THSD4: variants seen among roughly 807,000 people sequenced by gnomAD.
THSD4 encodes the protein thrombospondin type-1 domain-containing protein 4.
A neutral mutation model predicts 119.0 loss-of-function variants in THSD4; 69 were observed. The observed-to-expected ratio is 0.58, with a 90% CI of 0.48 to 0.71. THSD4 has a LOEUF of 0.71. Ranked by LOEUF, THSD4 falls within the 30% of genes least tolerant of loss-of-function variation. The pLI is 0.00. For missense variants in THSD4, 1,393 were observed against 1,391.1 expected (o/e 1.00, Z -0.02); for synonymous variants, 524 against 540.4 (o/e 0.97, Z 0.42).
intron 7 of THSD4, among the ~76,000 whole-genome samples, chr15:71,493,791 A>G (rs1041795750): frequency 6.6e-6 from 1 of 152,240 alleles, no homozygotes; most frequent in South Asian, 2.1e-4. Context: ...CGGTCTGTCA[A>G]ATCAGCCACG....
chr15:71,112,242 TG>T, upstream of THSD4: 2 of 1,607,238 alleles, frequency 1.2e-6, no homozygotes, highest in Non-Finnish European at 1.7e-6. Flanking sequence ...ATCAGTGAGG[TG>T]GGGTGGTGAC....
At chr15:71,232,690 A>G (rs1297671050) in intron 4 of THSD4, among the ~76,000 whole-genome samples, 1 of 152,172 alleles carries the variant, frequency 6.6e-6, no homozygotes, top group Non-Finnish European at 1.5e-5. Flanking sequence ...AGGGGAAGGG[A>G]GACGAAGACC....
At chr15:71,442,472 G>A (rs2047111050) in intron 7 of THSD4, among the ~76,000 whole-genome samples, 1 of 148,132 alleles carries the variant, frequency 6.8e-6, no homozygotes, top group African/African-American at 2.5e-5. Context: ...GGGAGGCTGA[G>A]GCAGAAGAAT....
At chr15:71,374,802 A>C (rs1357716290) in intron 6 of THSD4, among the ~76,000 whole-genome samples, 2 of 152,224 alleles carry the variant, frequency 1.3e-5, no homozygotes, top group Non-Finnish European at 2.9e-5. Context: ...CAAGGCTATT[A>C]CTCAAGCAAG....
chr15:71,459,346 GTC>G (rs57397281), intron 7 of THSD4, among the ~76,000 whole-genome samples: 89 of 120,608 alleles, frequency 7.4e-4, no homozygotes, highest in Non-Finnish European at 5.6e-4. Context: ...CTGTCTCTCT[GTC>G]TCTCTCTCTC....
chr15:71,289,809 G>A (rs957404348), intron 6 of THSD4, among the ~76,000 whole-genome samples: 2 of 152,094 alleles, frequency 1.3e-5, no homozygotes, highest in African/African-American at 4.8e-5. Context: ...AACAAGGGAA[G>A]AATAGGAAAA....
intron 16 of THSD4, 32 bp downstream of exon 16, chr15:71,765,231 T>C (rs772931971): frequency 6.9e-6 from 11 of 1,600,052 alleles, no homozygotes; most frequent in African/African-American, 2.7e-5. Context: ...GGAGGTTGCA[T>C]TGGCACAACG....
intron 15 of THSD4, among the ~76,000 whole-genome samples, chr15:71,759,080 A>G (rs2053589833): frequency 6.6e-6 from 1 of 152,250 alleles, no homozygotes; most frequent in African/African-American, 2.4e-5. Context: ...TAAGGTGACA[A>G]TGACAGCGAT....
At chr15:71,114,944 T>C (rs1244214494), upstream of THSD4, 5 of 152,258 alleles carry the variant, frequency 3.3e-5, no homozygotes, top group East Asian at 9.7e-4. Flanking sequence ...AGTGTGTGTG[T>C]GACCAGGGCT....
At chr15:71,754,175 C>A (rs1170775711) in intron 14 of THSD4, among the ~76,000 whole-genome samples, 1 of 150,546 alleles carries the variant, frequency 6.6e-6, no homozygotes, top group Non-Finnish European at 1.5e-5. Context: ...CTGCAACCTC[C>A]ACCTCCCGGG....
chr15:71,245,982 G>C (rs1254243002), intron 5 of THSD4, among the ~76,000 whole-genome samples: 1 of 152,128 alleles, frequency 6.6e-6, no homozygotes, highest in Non-Finnish European at 1.5e-5. Flanking sequence ...ATGACCTCAT[G>C]TAGACATTTA....
In THSD4 at chr15:71,141,462, C is replaced by A; in HGVS notation, c.-66C>A. ...TCATTTCCATAGGACTTGAACGCAA[C>A]TCCCAATTGCAGAAAATTGGCAACG... On this transcript the variant is annotated 5_prime_UTR_variant, in exon 2 of 18. Coordinates refer to ENST00000261862, the MANE Select transcript of THSD4 (RefSeq NM_024817.3). 6.6e-7 allele frequency: 1 copy of A among 1,515,700 alleles called. No homozygotes were observed. The highest frequency in any genetic ancestry group is 1.4e-5 in the African/African-American group (1 of 71,858). The allele number at this position is 1,515,700 out of a possible 1,614,324, so 93.9% of individuals were successfully genotyped here.
chr15:71,529,604 T>C (rs1353979692), intron 7 of THSD4, among the ~76,000 whole-genome samples: 10 of 152,320 alleles, frequency 6.6e-5, no homozygotes, highest in Non-Finnish European at 8.8e-5. Flanking sequence ...TGCCAGGTGC[T>C]AGGTTGAGAA....
Position 71,167,849 on chromosome 15 carries a change from T to G in THSD4, c.99+12917T>G, listed in dbSNP as rs552134306. Among the ~76,000 whole-genome samples, 19 of 152,326 alleles carry G rather than the reference T, an allele frequency of 1.2e-4. No homozygotes were observed. In the South Asian group the frequency reaches 3.9e-3, roughly 32 times the overall value. On this transcript the variant is annotated intron_variant, in intron 3 of 17. Coordinates refer to ENST00000261862, the MANE Select transcript of THSD4 (RefSeq NM_024817.3). ...GTCCAACTTTAGCATATGGAAGCAT[T>G]TCTACAGTGTAAGTTATTCTGAGGA...
At chr15:71,299,623 C>T (rs1411138946) in intron 6 of THSD4, among the ~76,000 whole-genome samples, 3 of 152,066 alleles carry the variant, frequency 2.0e-5, no homozygotes. Context: ...TTCTAGTGAT[C>T]TATTGCACAG....
chr15:71,336,709 A>G (rs2045493511), intron 6 of THSD4, among the ~76,000 whole-genome samples: 1 of 152,250 alleles, frequency 6.6e-6, no homozygotes, highest in Non-Finnish European at 1.5e-5. Flanking sequence ...ATTTTAATTT[A>G]CAACTTATTT....
intron 6 of THSD4, among the ~76,000 whole-genome samples, chr15:71,291,213 C>T (rs1190099111): frequency 3.3e-5 from 5 of 152,166 alleles, no homozygotes; most frequent in African/African-American, 1.2e-4. Context: ...AAAAATAGTT[C>T]ACTACAGTTC....
chr15:71,515,907 CA>C (rs1205687885), intron 7 of THSD4, among the ~76,000 whole-genome samples: 4 of 152,252 alleles, frequency 2.6e-5, no homozygotes, highest in African/African-American at 9.6e-5. Flanking sequence ...AGAGGATCAG[CA>C]GATGTAATGA....
intron 6 of THSD4, among the ~76,000 whole-genome samples, chr15:71,307,509 C>T (rs570875040): frequency 5.3e-5 from 8 of 152,302 alleles, no homozygotes; most frequent in East Asian, 1.9e-4. Context: ...CGGTGGCTCA[C>T]GCCTGTAATT....
Sources: gnomAD v4.1 joint callset for allele counts (sites outside exome capture counted in the v4.1 genomes callset) on GRCh38, gnomAD v4.1.1 for gene constraint, MANE v1.5 for transcripts, NCBI Gene and HGNC (gene_info 2026-07-23, HGNC 2026-07-21) for gene names.